KCNIP4: variants seen among roughly 807,000 people sequenced by gnomAD.
KCNIP4 encodes Kv channel-interacting protein 4.
Under a neutral mutation model 34.0 loss-of-function variants are expected in KCNIP4, and 12 were observed. The observed-to-expected ratio is 0.35, with a 90% CI of 0.23 to 0.57. The LOEUF (loss-of-function observed/expected upper bound fraction) is 0.57, where lower values mean the gene tolerates loss of function less well. Ranked by LOEUF, KCNIP4 falls within the 20% of genes least tolerant of loss-of-function variation. The pLI is 0.83. For missense variants in KCNIP4, 238 were observed against 311.7 expected (o/e 0.76, Z 1.78); for synonymous variants, 124 against 102.2 (o/e 1.21, Z -1.29).
intron 3 of KCNIP4, among the ~76,000 whole-genome samples, chr4:20,818,920 C>CTTTTTTTTTT (rs11382765): frequency 1.9e-5 from 2 of 104,954 alleles, no homozygotes; most frequent in Non-Finnish European, 3.8e-5. Flanking sequence ...TATATTATCT[C>CTTTTTTTTTT]TTTTTTTTTT....
chr4:21,549,368 T>C lies in KCNIP4; in HGVS notation c.61+399203A>G, dbSNP rs573741160. On this transcript the variant is annotated intron_variant, in intron 1 of 8. Coordinates refer to ENST00000382152, the MANE Select transcript of KCNIP4 (RefSeq NM_025221.6). ...GGTGGGAGGGGTTTTGGTCATGGGG[T>C]GGATCCCTCACGAATGGCTCAATAA... 1.4e-4 allele frequency among the ~76,000 whole-genome samples: 21 copies of C among 151,890 alleles called. No individual in the cohort carries two copies. In the South Asian group the frequency reaches 4.4e-3, roughly 32 times the overall value.
At chr4:21,158,995 A>C (rs1032316599) in intron 1 of KCNIP4, among the ~76,000 whole-genome samples, 2 of 152,206 alleles carry the variant, frequency 1.3e-5, no homozygotes, top group African/African-American at 4.8e-5. Context: ...TAGCTTCATA[A>C]ATTGATAACT....
chr4:21,323,233 C>T (rs1157735379), intron 1 of KCNIP4, among the ~76,000 whole-genome samples: 2 of 150,774 alleles, frequency 1.3e-5, no homozygotes, highest in African/African-American at 2.4e-5. Context: ...TGAGATATCT[C>T]TAACCTCAAG....
At chr4:21,557,066 A>G (rs1739125738) in intron 1 of KCNIP4, among the ~76,000 whole-genome samples, 2 of 152,114 alleles carry the variant, frequency 1.3e-5, no homozygotes, top group Admixed American at 6.6e-5. Flanking sequence ...CATGTTTAAT[A>G]TAAATATATG....
chr4:21,031,527 T>C (rs1741024988), intron 1 of KCNIP4, among the ~76,000 whole-genome samples: 1 of 152,200 alleles, frequency 6.6e-6, no homozygotes, highest in Non-Finnish European at 1.5e-5. Flanking sequence ...TGTTATACTG[T>C]GACATTCTGT....
chr4:20,746,056 T>C (rs1752346684), intron 5 of KCNIP4, among the ~76,000 whole-genome samples: 1 of 152,208 alleles, frequency 6.6e-6, no homozygotes, highest in Non-Finnish European at 1.5e-5. Flanking sequence ...TAAATCATTC[T>C]ACTATAAAGA....
chr4:21,586,786 C>T (rs1741652102), intron 1 of KCNIP4, among the ~76,000 whole-genome samples: 1 of 151,890 alleles, frequency 6.6e-6, no homozygotes, highest in South Asian at 2.1e-4. Context: ...CTAAAATAAC[C>T]CCTGGATTCT....
chr4:20,917,661 T>C (rs990942038), intron 1 of KCNIP4, among the ~76,000 whole-genome samples: 7 of 152,112 alleles, frequency 4.6e-5, no homozygotes, highest in Non-Finnish European at 1.0e-4. Flanking sequence ...GAAAGCACAG[T>C]CTAAGCTGAC....
chr4:21,101,669 T>A (rs1054310925), intron 1 of KCNIP4, among the ~76,000 whole-genome samples: 1 of 152,162 alleles, frequency 6.6e-6, no homozygotes, highest in Non-Finnish European at 1.5e-5. Flanking sequence ...ATTATTAGTG[T>A]GCGGTAAGAG....
intron 1 of KCNIP4, among the ~76,000 whole-genome samples, chr4:20,962,958 G>A (rs981629733): frequency 1.9e-4 from 29 of 152,094 alleles, no homozygotes; most frequent in African/African-American, 6.5e-4. Context: ...TTCTCTAACC[G>A]TCACTTTGTC....
At chr4:21,153,297 G>T (rs557700371) in intron 1 of KCNIP4, among the ~76,000 whole-genome samples, 3 of 151,976 alleles carry the variant, frequency 2.0e-5, no homozygotes, top group African/African-American at 7.3e-5. Context: ...AACCTTGCCA[G>T]CTGAGTGTAT....
intron 1 of KCNIP4, among the ~76,000 whole-genome samples, chr4:21,433,516 G>T (rs150940274): frequency 1.9e-4 from 29 of 152,252 alleles, no homozygotes; most frequent in African/African-American, 6.7e-4. Context: ...TAGCTAACCC[G>T]CAATGTGAAG....
chr4:21,790,930 A>G (rs1266770889), intron 1 of KCNIP4, among the ~76,000 whole-genome samples: 2 of 140,486 alleles, frequency 1.4e-5, no homozygotes, highest in Non-Finnish European at 3.0e-5. Flanking sequence ...CATTCATTCA[A>G]CTGAAATGTG....
chr4:20,778,045 C>G (rs1415288038), intron 3 of KCNIP4, among the ~76,000 whole-genome samples: 1 of 152,146 alleles, frequency 6.6e-6, no homozygotes, highest in Admixed American at 6.5e-5. Context: ...TAGATTATAT[C>G]AAAGGAACCA....
intron 1 of KCNIP4, among the ~76,000 whole-genome samples, chr4:20,985,031 C>A (rs990187599): frequency 2.6e-5 from 4 of 152,164 alleles, no homozygotes; most frequent in Non-Finnish European, 5.9e-5. Flanking sequence ...CAGGACCACA[C>A]TGGCTGAATC....
rs1553837569 is a variant in KCNIP4, at chr4:21,928,127, T to TACACAC, written c.61+20438_61+20443dup. On this transcript the variant is annotated intron_variant, in intron 1 of 8. Transcript: ENST00000382152. ...ATTAGACTATATATATATATATATA[T>TACACAC]ACACACACACACACACACACCATAC... is the stretch of plus-strand genomic sequence containing the variant. Among the ~76,000 whole-genome samples the TACACAC allele has an allele frequency of 6.2e-4, 89 of 143,970 alleles. No homozygotes were observed. The East Asian group carries it at 6.6e-3, about 11-fold the overall frequency. 94.4% of individuals were successfully genotyped at this position (143,970 alleles called of 152,430 possible).
Position 21,108,515 on chromosome 4 carries a change from G to A in KCNIP4, c.62-225806C>T, listed in dbSNP as rs557353219. Among the ~76,000 whole-genome samples, 9 of 151,486 alleles carry A rather than the reference G, an allele frequency of 5.9e-5. 1 individual carries two copies. The highest frequency in any genetic ancestry group is 1.2e-4 in the African/African-American group (5 of 40,822). ...TACATTCGTCTAAATTTTTTTCAAA[G>A]TTTTTAACTTCTTTGCCTTTGGTTT... On this transcript the variant is annotated intron_variant, in intron 1 of 8. Coordinates refer to ENST00000382152, the MANE Select transcript of KCNIP4 (RefSeq NM_025221.6).
intron 1 of KCNIP4, among the ~76,000 whole-genome samples, chr4:21,764,321 A>G (rs1718258812): frequency 1.3e-5 from 2 of 152,124 alleles, no homozygotes; most frequent in East Asian, 3.9e-4. Flanking sequence ...GGTAGTACTG[A>G]GTCAGTGCCA....
At chr4:21,291,620 C>A (rs1291982712) in intron 1 of KCNIP4, among the ~76,000 whole-genome samples, 5 of 151,148 alleles carry the variant, frequency 3.3e-5, no homozygotes, top group African/African-American at 9.7e-5. Context: ...GAGGCCGAGG[C>A]GGGTGGATCA....
Sources: gnomAD v4.1 joint callset for allele counts (sites outside exome capture counted in the v4.1 genomes callset) on GRCh38, gnomAD v4.1.1 for gene constraint, MANE v1.5 for transcripts, NCBI Gene and HGNC (gene_info 2026-07-23, HGNC 2026-07-21) for gene names.